Variants in TRIM37 observed in about 807,000 individuals in gnomAD.
TRIM37 encodes E3 ubiquitin-protein ligase TRIM37.
In TRIM37, 80 loss-of-function variants were observed where a neutral mutation model predicts 129.8. The observed-to-expected ratio is 0.62, with a 90% CI of 0.51 to 0.74. The LOEUF is 0.74. Among genes scored for constraint, TRIM37 ranks in the 30% least tolerant of loss-of-function variants. TRIM37 has a pLI of 0.00. For synonymous variants in TRIM37, 389 were observed against 387.1 expected (o/e 1.00, Z -0.06); for missense variants, 1,054 against 1,176.5 (o/e 0.90, Z 1.52).
chr17:58,972,783 T>A, the TRIM37 span: 1 of 1,476,144 alleles, frequency 6.8e-7, no homozygotes, highest in Non-Finnish European at 9.5e-7. Context: ...AGTAAATGAA[T>A]AAATCCTGAA....
intron 2 of TRIM37, among the ~76,000 whole-genome samples, chr17:59,102,936 C>T (rs980233769): frequency 2.6e-5 from 4 of 151,852 alleles, no homozygotes; most frequent in South Asian, 4.2e-4. Context: ...GCAGTGGCAC[C>T]ATCTCTGCTC....
intron 24 of TRIM37, among the ~76,000 whole-genome samples, chr17:58,988,894 T>G (rs2032075724): frequency 6.6e-6 from 1 of 152,292 alleles, no homozygotes; most frequent in African/African-American, 2.4e-5. Flanking sequence ...AAAAGTAATT[T>G]TGGTTCTTGC....
At chr17:59,056,324 G>A (rs779872560) in intron 13 of TRIM37, among the ~76,000 whole-genome samples, 9 of 151,764 alleles carry the variant, frequency 5.9e-5, no homozygotes, top group South Asian at 2.1e-4. Flanking sequence ...AAACACCGGC[G>A]CACCACTGCA....
intron 22 of TRIM37, among the ~76,000 whole-genome samples, chr17:59,002,984 C>G (rs2033976698): frequency 6.6e-6 from 1 of 152,176 alleles, no homozygotes; most frequent in Non-Finnish European, 1.5e-5. Flanking sequence ...CCTCCCAGGG[C>G]TCAGATGATC....
intron 10 of TRIM37, 161 bp downstream of exon 10, chr17:59,064,194 C>A: frequency 3.1e-6 from 2 of 645,002 alleles, no homozygotes; most frequent in South Asian, 4.1e-5. Flanking sequence ...ACAATATAAT[C>A]CAGCACAAAT....
Position 59,032,077 on chromosome 17 carries a change from A to C in TRIM37, c.1767T>G (p.Gly589=). ...ATATTCTACTACTGGAACCCACATA[A>C]CCATGGCTACTACCTGCAAAAGAGG... ...AAAGPAGSSH[G]YVGSSSRISR... Residue 589 remains glycine, a synonymous_variant, in exon 18 of 24, where the codon GGT becomes GGG. Transcript: ENST00000262294. The C allele has an allele frequency of 6.2e-7, 1 of 1,613,890 alleles. No individual in the cohort carries two copies. Among genetic ancestry groups the C allele is most frequent in the Non-Finnish European group, 8.5e-7 (1 of 1,180,038 alleles).
Position 59,001,171 on chromosome 17 carries a change from G to A in TRIM37, c.2812+427C>T, listed in dbSNP as rs184135809. Among the ~76,000 whole-genome samples the A allele has an allele frequency of 1.8e-4, 27 of 149,708 alleles. 1 individual carries two copies. The highest frequency in any genetic ancestry group is 6.4e-4 in the African/African-American group (26 of 40,456). ...GATCACGCCACAGCACTCCATCCTG[G>A]GTGACAGAACAAGACTCCATCTCGG... On this transcript the variant is annotated intron_variant, in intron 23 of 23. Transcript: ENST00000262294.
intron 9 of TRIM37, among the ~76,000 whole-genome samples, chr17:59,067,688 C>T (rs2042023946): frequency 6.6e-6 from 1 of 152,068 alleles, no homozygotes; most frequent in African/African-American, 2.4e-5. Context: ...AGGCATGCAC[C>T]ACCACACCCG....
rs552802145 is a variant in TRIM37, at chr17:59,036,443, TGG to T, written c.1754-4355_1754-4354del. On this transcript the variant is annotated intron_variant, in intron 17 of 23. Coordinates refer to ENST00000262294, the MANE Select transcript of TRIM37 (RefSeq NM_015294.6). ...TAGGAAAAATCTAGTTTGTATTTGCTGGGGGTGTGTGTGTGTGTGTGTGTGTG... is the reference window on the plus strand; with the variant it reads ...TAGGAAAAATCTAGTTTGTATTTGCTGGGTGTGTGTGTGTGTGTGTGTGTG... Among the ~76,000 whole-genome samples, 791 of 126,982 alleles carry T rather than the reference TGG, an allele frequency of 6.2e-3. 6 individuals are homozygous for T. Among genetic ancestry groups the T allele is most frequent in the African/African-American group, 0.022 (748 of 34,422 alleles). The allele number at this position is 126,982 out of a possible 152,430, so 83.3% of individuals were successfully genotyped here. A position where few individuals can be genotyped will look rare whatever the true frequency, so the allele number is the denominator to read the frequency against.
chr17:59,046,429 G>T (rs919946022), intron 16 of TRIM37, among the ~76,000 whole-genome samples: 2 of 152,158 alleles, frequency 1.3e-5, no homozygotes, highest in African/African-American at 4.8e-5. Flanking sequence ...CCTGCCAAAA[G>T]TGTGTAACCT....
At chr17:59,081,283 T>A in intron 5 of TRIM37, 64 bp from the exon 6 acceptor site, 1 of 1,587,060 alleles carries the variant, frequency 6.3e-7, no homozygotes, top group Non-Finnish European at 8.6e-7. Flanking sequence ...CATTCCTTTG[T>A]AACACTCTAT....
At chr17:59,094,331 G>A (rs549062050) in intron 2 of TRIM37, among the ~76,000 whole-genome samples, 1 of 152,198 alleles carries the variant, frequency 6.6e-6, no homozygotes, top group East Asian at 1.9e-4. Context: ...TATCTTTAGA[G>A]CATTCCCCCT....
At chr17:58,979,904 G>A (rs754082008), downstream of TRIM37, 8 of 1,211,694 alleles carry the variant, frequency 6.6e-6, no homozygotes, top group East Asian at 2.4e-5. Context: ...TCATGGCATT[G>A]GTCATAAACG....
At chr17:59,005,881 C>T (rs539916831) in intron 22 of TRIM37, among the ~76,000 whole-genome samples, 17 of 152,230 alleles carry the variant, frequency 1.1e-4, no homozygotes, top group South Asian at 1.0e-3. Context: ...ACACATAAAA[C>T]GGCGATATTT....
At chr17:59,047,878 C>A (rs541109426) in intron 15 of TRIM37, 59 bp from the exon 16 acceptor site, 2 of 1,588,700 alleles carry the variant, frequency 1.3e-6, no homozygotes, top group East Asian at 2.2e-5. Flanking sequence ...CAGTTGATCA[C>A]CCCATCCAGC....
At position 59,102,681 on chromosome 17, in the gene TRIM37, ACAT is replaced by A. The variant is rs1325646287; in HGVS notation, c.123+1609_123+1611del. On this transcript the variant is annotated intron_variant, in intron 2 of 23. Coordinates refer to ENST00000262294, the MANE Select transcript of TRIM37 (RefSeq NM_015294.6). The stretch of plus-strand genomic sequence containing the variant: ...CTTAGTTTTAGAAGTATGAGAACTA[ACAT>A]CATATTTAACTGGGTCTTCTGCGCA... 2.0e-5 allele frequency among the ~76,000 whole-genome samples: 3 copies of A among 152,222 alleles called. No homozygotes were observed. In the East Asian group the frequency reaches 5.8e-4, roughly 29 times the overall value.
intron 24 of TRIM37, among the ~76,000 whole-genome samples, chr17:58,989,765 T>C (rs189070449): frequency 4.6e-5 from 7 of 152,262 alleles, no homozygotes; most frequent in Admixed American, 3.9e-4. Flanking sequence ...GTGTAAAATA[T>C]GCACAACTAG....
intron 8 of TRIM37, among the ~76,000 whole-genome samples, chr17:59,072,296 T>A (rs2042439071): frequency 6.6e-6 from 1 of 152,174 alleles, no homozygotes; most frequent in Non-Finnish European, 1.5e-5. Flanking sequence ...TGTTTAAGTC[T>A]CACAGTCATT....
At position 59,087,536 on chromosome 17, in the gene TRIM37, C is replaced by T. The variant is rs2043878166; in HGVS notation, c.281+755G>A. On this transcript the variant is annotated intron_variant, in intron 4 of 23. Coordinates refer to ENST00000262294, the MANE Select transcript of TRIM37 (RefSeq NM_015294.6). ...AAGCCATCCTCTGGGCTCAAGAGAT[C>T]CTCCTGCCTGAGCCTCCCAAGTATC... 2.7e-5 allele frequency among the ~76,000 whole-genome samples: 4 copies of T among 148,122 alleles called. No homozygotes were observed. In the Admixed American group the frequency reaches 2.7e-4, roughly 10 times the overall value.
Sources: allele counts gnomAD v4.1 joint callset (sites outside exome capture counted in the v4.1 genomes callset), GRCh38; gene constraint gnomAD v4.1.1; transcripts MANE v1.5; gene names NCBI Gene and HGNC (gene_info 2026-07-23, HGNC 2026-07-21).